Variants in CCDC6 observed in about 807,000 individuals in gnomAD.
CCDC6 encodes coiled-coil domain containing 6.
Under a neutral mutation model 56.6 loss-of-function variants are expected in CCDC6, and 20 were observed. The ratio of observed to expected loss-of-function variants is 0.35; its 90% CI spans 0.25 to 0.51. The LOEUF is 0.51. Ranked by LOEUF, CCDC6 falls within the 20% of genes least tolerant of loss-of-function variation. CCDC6 has a pLI of 0.95. For synonymous variants in CCDC6, 241 were observed against 234.4 expected, an observed-to-expected ratio of 1.03 and a Z score of -0.26; for missense variants, 367 against 601.1, an observed-to-expected ratio of 0.61 and a Z score of 4.07.
rs1435032136 is a variant in CCDC6, at chr10:59,789,289, A to T, written c.*3628T>A. 4.3e-6 allele frequency: 1 copy of T among 231,780 alleles called. No individual in the cohort carries two copies. Among genetic ancestry groups the T allele is most frequent in the African/African-American group, 2.2e-5 (1 of 45,226 alleles). 14.4% of individuals were successfully genotyped at this position (231,780 alleles called of 1,614,324 possible). A position where few individuals can be genotyped will look rare whatever the true frequency, so the allele number is the denominator to read the frequency against. ...AATGCAGACACACACATGCACACAC[A>T]CAGCACCCATGCTATCAAGACACAG... is the stretch of plus-strand genomic sequence containing the variant. On this transcript the variant is annotated 3_prime_UTR_variant, in exon 9 of 9. Transcript: ENST00000263102.
intron 3 of CCDC6, among the ~76,000 whole-genome samples, chr10:59,829,106 T>G (rs1393837392): frequency 1.3e-5 from 2 of 152,182 alleles, no homozygotes; most frequent in Non-Finnish European, 2.9e-5. Context: ...AGGACTAACT[T>G]TCAGTGAGAT....
chr10:59,854,621 A>T (rs117166542), intron 1 of CCDC6, among the ~76,000 whole-genome samples: 403 of 152,148 alleles, frequency 2.6e-3, no homozygotes, highest in Non-Finnish European at 4.6e-3. Flanking sequence ...TCAATGTCTT[A>T]CTCTTTCCAC....
In CCDC6 at chr10:59,789,501, C is replaced by A. The variant is rs1445211786; in HGVS notation, c.*3416G>T. 4.3e-6 allele frequency: 1 copy of A among 232,848 alleles called. No homozygotes were observed. The highest frequency in any genetic ancestry group is 5.6e-5 in the Admixed American group (1 of 17,756). The allele number at this position is 232,848 out of a possible 1,614,324, so 14.4% of individuals were successfully genotyped here. ...AAACAAACAAAAAATCACCAAAAACCTAGAAACCCCTTAATCTCTTACAAT... is the reference window on the plus strand; with the variant it reads ...AAACAAACAAAAAATCACCAAAAACATAGAAACCCCTTAATCTCTTACAAT... On this transcript the variant is annotated 3_prime_UTR_variant, in exon 9 of 9. Coordinates refer to ENST00000263102, the MANE Select transcript of CCDC6 (RefSeq NM_005436.5).
At chr10:59,828,857 C>T (rs1012743198) in intron 3 of CCDC6, among the ~76,000 whole-genome samples, 13 of 152,294 alleles carry the variant, frequency 8.5e-5, no homozygotes, top group African/African-American at 3.1e-4. Context: ...TGTGATTTTC[C>T]CACTGTCTCA....
intron 1 of CCDC6, among the ~76,000 whole-genome samples, chr10:59,883,918 C>A (rs531556513): frequency 8.0e-4 from 122 of 152,272 alleles, no homozygotes; most frequent in Non-Finnish European, 1.2e-3. Flanking sequence ...AAACTTTGAA[C>A]AAATTTCCCA....
intron 3 of CCDC6, among the ~76,000 whole-genome samples, chr10:59,827,703 G>C (rs2070799948): frequency 6.6e-6 from 1 of 152,114 alleles, no homozygotes; most frequent in Non-Finnish European, 1.5e-5. Context: ...ATGGGTTTTA[G>C]TGCTATGGAA....
intron 1 of CCDC6, among the ~76,000 whole-genome samples, chr10:59,868,362 C>A (rs2071194729): frequency 6.6e-6 from 1 of 152,174 alleles, no homozygotes; most frequent in African/African-American, 2.4e-5. Flanking sequence ...CCCACCACCA[C>A]TGGACCGTGT....
chr10:59,894,600 C>T (rs1464829033), intron 1 of CCDC6, among the ~76,000 whole-genome samples: 3 of 150,816 alleles, frequency 2.0e-5, no homozygotes, highest in East Asian at 3.9e-4. Context: ...CCCACTTGTA[C>T]TGTGCTAGTC....
At chr10:59,904,064 A>G (rs1334930805) in intron 1 of CCDC6, among the ~76,000 whole-genome samples, 1 of 152,256 alleles carries the variant, frequency 6.6e-6, no homozygotes, top group Non-Finnish European at 1.5e-5. Context: ...CCCTGAATAT[A>G]TTAGTCAGAA....
At chr10:59,830,956 C>G (rs2070830293) in intron 3 of CCDC6, among the ~76,000 whole-genome samples, 1 of 152,212 alleles carries the variant, frequency 6.6e-6, no homozygotes, top group African/African-American at 2.4e-5. Flanking sequence ...AGGCAAAGCT[C>G]TCCTAATACT....
rs2070460720 is a variant in CCDC6, at chr10:59,790,815, C to A, written c.*2102G>T. 4.7e-6 allele frequency: 1 copy of A among 213,274 alleles called. No individual in the cohort carries two copies. Among genetic ancestry groups the A allele is most frequent in the East Asian group, 7.0e-5 (1 of 14,190 alleles). 13.2% of individuals were successfully genotyped at this position (213,274 alleles called of 1,614,324 possible). A position where few individuals can be genotyped will look rare whatever the true frequency, so the allele number is the denominator to read the frequency against. ...TGCTTTTTAAAAATTCAACATATGG[C>A]AATGTTTTAATTTTTGTGCTTTCAA... On this transcript the variant is annotated 3_prime_UTR_variant, in exon 9 of 9. Transcript: ENST00000263102.
chr10:59,861,480 G>C (rs1296790001), intron 1 of CCDC6, among the ~76,000 whole-genome samples: 1 of 115,682 alleles, frequency 8.6e-6, no homozygotes, highest in Non-Finnish European at 1.9e-5. Context: ...ACAAAATCAA[G>C]ATACAAGACA....
At chr10:59,851,963 TA>T (rs1224336529) in intron 2 of CCDC6, among the ~76,000 whole-genome samples, 1 of 152,128 alleles carries the variant, frequency 6.6e-6, no homozygotes. Flanking sequence ...GCCTCTGAAG[TA>T]GAGAAATCAA....
chr10:59,862,556 CATATAT>C lies in CCDC6; in HGVS notation c.304-9860_304-9855del, dbSNP rs55913492. Among the ~76,000 whole-genome samples the C allele has an allele frequency of 2.6e-3, 276 of 105,548 alleles. 3 individuals are homozygous for C. Among genetic ancestry groups the C allele is most frequent in the African/African-American group, 0.012 (249 of 20,942 alleles). The allele number at this position is 105,548 out of a possible 152,430, so 69.2% of individuals were successfully genotyped here. A position where few individuals can be genotyped will look rare whatever the true frequency, so the allele number is the denominator to read the frequency against. ...ACACACACACACACACACACACACA[CATATAT>C]ATACACATACACACACACACACATA... On this transcript the variant is annotated intron_variant, in intron 1 of 8. Coordinates refer to ENST00000263102, the MANE Select transcript of CCDC6 (RefSeq NM_005436.5).
intron 7 of CCDC6, among the ~76,000 whole-genome samples, chr10:59,799,006 A>AT (rs1395492029): frequency 6.6e-6 from 1 of 150,720 alleles, no homozygotes; most frequent in African/African-American, 2.4e-5. Context: ...AAAAAAAAAA[A>AT]AAAAAAAAAA....
intron 2 of CCDC6, among the ~76,000 whole-genome samples, chr10:59,839,798 C>T (rs542462543): frequency 6.6e-6 from 1 of 152,248 alleles, no homozygotes; most frequent in East Asian, 1.9e-4. Context: ...TCTATCCTCT[C>T]GACGGATGAC....
rs1491192271 is a variant in CCDC6, at chr10:59,876,063, G to GAA, written c.304-23362_304-23361insTT. On this transcript the variant is annotated intron_variant, in intron 1 of 8. Transcript: ENST00000263102. ...AGCCTACACACATACACGAGTGCAT[G>GAA]CACAGATGTCTTTTTTTTTTTTTTT... Among the ~76,000 whole-genome samples, 29 of 45,878 alleles carry GAA rather than the reference G, an allele frequency of 6.3e-4. No individual in the cohort carries two copies. The South Asian group carries it at 7.4e-3, about 12-fold the overall frequency. The allele number at this position is 45,878 out of a possible 152,430, so 30.1% of individuals were successfully genotyped here.
chr10:59,853,648 AGTT>A (rs1235620253), intron 1 of CCDC6, among the ~76,000 whole-genome samples: 1 of 152,192 alleles, frequency 6.6e-6, no homozygotes, highest in Non-Finnish European at 1.5e-5. Context: ...GCTGGAAACT[AGTT>A]ATTAAGAGGT....
intron 2 of CCDC6, among the ~76,000 whole-genome samples, chr10:59,842,667 C>G (rs1255355147): frequency 6.6e-6 from 1 of 151,532 alleles, no homozygotes; most frequent in Non-Finnish European, 1.5e-5. Flanking sequence ...CTGAACTACA[C>G]TTAAGTTTGA....
Sources: allele counts gnomAD v4.1 joint callset (sites outside exome capture counted in the v4.1 genomes callset), GRCh38; gene constraint gnomAD v4.1.1; transcripts MANE v1.5; gene names NCBI Gene and HGNC (gene_info 2026-07-23, HGNC 2026-07-21).